The following CTSS variants were observed in gnomAD, a reference collection of about 807,000 sequenced individuals.
The protein encoded by CTSS is cathepsin S.
Under a neutral mutation model 39.9 loss-of-function variants are expected in CTSS, and 15 were observed. The observed-to-expected ratio is 0.38, with a 90% CI of 0.25 to 0.58. The LOEUF (loss-of-function observed/expected upper bound fraction) is 0.58. Ranked by LOEUF, CTSS falls within the 20% of genes least tolerant of loss-of-function variation. CTSS has a pLI of 0.70. For missense variants in CTSS, 250 were observed against 398.2 expected (o/e 0.63, Z 3.17); for synonymous variants, 126 against 138.2 (o/e 0.91, Z 0.62).
chr1:150,764,610 A>C, intron 2 of CTSS, 28 bp downstream of exon 2: 1 of 1,613,516 alleles, frequency 6.2e-7, no homozygotes, highest in Non-Finnish European at 8.5e-7. Flanking sequence ...CTTTAAAAGC[A>C]TATCGCTCGA....
At chr1:150,762,813 C>A (rs1415326601) in intron 2 of CTSS, among the ~76,000 whole-genome samples, 1 of 152,154 alleles carries the variant, frequency 6.6e-6, no homozygotes, top group African/African-American at 2.4e-5. Flanking sequence ...CCCTCATACA[C>A]TTTTAGTAGG....
intron 2 of CTSS, among the ~76,000 whole-genome samples, chr1:150,762,071 G>A (rs187987984): frequency 1.3e-4 from 20 of 152,298 alleles, no homozygotes; most frequent in African/African-American, 4.8e-4. Flanking sequence ...TACTGGCATA[G>A]AAACAGACAC....
At chr1:150,762,974 T>C (rs1653294937) in intron 2 of CTSS, among the ~76,000 whole-genome samples, 1 of 152,156 alleles carries the variant, frequency 6.6e-6, no homozygotes, top group African/African-American at 2.4e-5. Flanking sequence ...TGCACTTCCA[T>C]GTTCATTGTA....
chr1:150,745,362 C>T (rs1174199686), intron 7 of CTSS, among the ~76,000 whole-genome samples: 3 of 152,026 alleles, frequency 2.0e-5, no homozygotes, highest in Admixed American at 2.0e-4. Flanking sequence ...GAATGATGCT[C>T]ATGAAAAGGG....
At chr1:150,740,802 T>G (rs1261213077) in intron 7 of CTSS, among the ~76,000 whole-genome samples, 1 of 151,810 alleles carries the variant, frequency 6.6e-6, no homozygotes, top group Non-Finnish European at 1.5e-5. Flanking sequence ...TCAAGTGATA[T>G]TCCCACCTCA....
rs1652523747 is a variant in CTSS at position 150,731,625 on chromosome 1, T to TA, written c.*1420dup. On this transcript the variant is annotated 3_prime_UTR_variant, in exon 8 of 8. Coordinates refer to ENST00000368985, the MANE Select transcript of CTSS (RefSeq NM_004079.5). Reference sequence around the variant, plus strand: ...ATTGTTCATGTCATAGACATGAACTTAAAAAATTTAAAGTTCCTGCTGCCT... The same window carrying TA: ...ATTGTTCATGTCATAGACATGAACTTAAAAAAATTTAAAGTTCCTGCTGCCT... 1 of 152,200 alleles carries TA rather than the reference T, an allele frequency of 6.6e-6. No homozygotes were observed. Among genetic ancestry groups the TA allele is most frequent in the Non-Finnish European group, 1.5e-5 (1 of 68,032 alleles). The allele number at this position is 152,200 out of a possible 1,614,324, so 9.4% of individuals were successfully genotyped here.
intron 7 of CTSS, among the ~76,000 whole-genome samples, chr1:150,743,348 T>G (rs975882555): frequency 6.6e-6 from 1 of 151,596 alleles, no homozygotes; most frequent in Non-Finnish European, 1.5e-5. Flanking sequence ...AGGTTTAGGC[T>G]GTTAGGCATT....
intron 7 of CTSS, among the ~76,000 whole-genome samples, chr1:150,746,487 G>A (rs1012736991): frequency 2.6e-5 from 4 of 152,146 alleles, no homozygotes; most frequent in Non-Finnish European, 2.9e-5. Context: ...CCAAAGGCAC[G>A]TACAGAACAC....
chr1:150,734,975 A>G (rs951633005), intron 7 of CTSS, among the ~76,000 whole-genome samples: 33 of 152,210 alleles, frequency 2.2e-4, no homozygotes, highest in African/African-American at 8.0e-4. Context: ...TAAAAGTGTG[A>G]AATTGAGAAA....
chr1:150,753,725 G>T (rs1288426229), intron 4 of CTSS, among the ~76,000 whole-genome samples: 1 of 152,122 alleles, frequency 6.6e-6, no homozygotes, highest in Non-Finnish European at 1.5e-5. Flanking sequence ...GGAGGTAGGA[G>T]GATCACTTGA....
At chr1:150,757,753 A>G (rs1653163818) in intron 3 of CTSS, 105 bp downstream of exon 3, 3 of 1,202,602 alleles carry the variant, frequency 2.5e-6, no homozygotes, top group African/African-American at 3.0e-5. Context: ...TTTGTACTAT[A>G]CATTCCTTTG....
chr1:150,754,986 G>A lies in CTSS; in HGVS notation c.399+15C>T, dbSNP rs1653089333. The stretch of plus-strand genomic sequence containing the variant: ...CTCTACCTAGGGTTCAGAGGCTTGG[G>A]ATGGTAATACTCACTTGATATTTCA... On this transcript the variant is annotated intron_variant, in intron 4 of 7. Transcript: ENST00000368985. 1.2e-6 allele frequency: 2 copies of A among 1,610,898 alleles called. No homozygotes were observed. The highest frequency in any genetic ancestry group is 1.7e-6 in the Non-Finnish European group (2 of 1,177,906).
chr1:150,762,746 T>C (rs1402007106), intron 2 of CTSS, among the ~76,000 whole-genome samples: 1 of 152,210 alleles, frequency 6.6e-6, no homozygotes, highest in African/African-American at 2.4e-5. Context: ...TCTGTTAGAA[T>C]GGCTATTATC....
intron 7 of CTSS, among the ~76,000 whole-genome samples, chr1:150,739,685 A>G (rs1439702953): frequency 6.6e-6 from 1 of 151,286 alleles, no homozygotes; most frequent in African/African-American, 2.4e-5. Flanking sequence ...CAACAACAAC[A>G]ACAACAACAA....
At chr1:150,733,879 G>A (rs1375390783) in intron 7 of CTSS, among the ~76,000 whole-genome samples, 3 of 152,146 alleles carry the variant, frequency 2.0e-5, no homozygotes, top group Non-Finnish European at 4.4e-5. Flanking sequence ...GAGGCTACTT[G>A]TTAGAGATGT....
intron 7 of CTSS, among the ~76,000 whole-genome samples, chr1:150,734,270 A>T (rs936592033): frequency 1.3e-5 from 2 of 150,368 alleles, no homozygotes; most frequent in Admixed American, 1.3e-4. Flanking sequence ...CAAGTGATCT[A>T]CCCGCCTCAG....
intron 2 of CTSS, among the ~76,000 whole-genome samples, chr1:150,763,077 C>T (rs999580477): frequency 2.0e-5 from 3 of 150,508 alleles, no homozygotes; most frequent in Non-Finnish European, 4.4e-5. Flanking sequence ...TATTGTATTC[C>T]ATACATAATG....
chr1:150,734,128 A>G (rs1344534747), intron 7 of CTSS, among the ~76,000 whole-genome samples: 1 of 151,750 alleles, frequency 6.6e-6, no homozygotes, highest in Admixed American at 6.6e-5. Flanking sequence ...TCCTGGGTTC[A>G]AGTGATTCTC....
intron 2 of CTSS, among the ~76,000 whole-genome samples, chr1:150,759,039 T>A (rs587735577): frequency 2.3e-4 from 14 of 59,890 alleles, no homozygotes; most frequent in Non-Finnish European, 4.9e-4. Context: ...TTTATTATTA[T>A]TTTTTTTTTT....
Sources: gnomAD v4.1 joint callset for allele counts (sites outside exome capture counted in the v4.1 genomes callset) on GRCh38, gnomAD v4.1.1 for gene constraint, MANE v1.5 for transcripts, NCBI Gene and HGNC (gene_info 2026-07-23, HGNC 2026-07-21) for gene names.